Variants in DAAM2 observed in about 807,000 individuals in gnomAD.
The protein encoded by DAAM2 is disheveled-associated activator of morphogenesis 2.
A neutral mutation model predicts 120.7 loss-of-function variants in DAAM2; 39 were observed. The observed-to-expected ratio is 0.32, with a 90% confidence interval of 0.25 to 0.42. The LOEUF (loss-of-function observed/expected upper bound fraction) is 0.42. Ranked by LOEUF, DAAM2 falls within the 10% of genes least tolerant of loss-of-function variation. DAAM2 has a pLI of 1.00. For missense variants in DAAM2, 1,283 were observed against 1,401.7 expected (o/e 0.92, Z 1.35); for synonymous variants, 488 against 524.9 (o/e 0.93, Z 0.96).
At position 39,901,619 on chromosome 6, in the gene DAAM2, A is replaced by G; in HGVS notation, c.2982+147A>G. The G allele has an allele frequency of 9.3e-7, 1 of 1,076,886 alleles. No homozygotes were observed. Among genetic ancestry groups the G allele is most frequent in the Non-Finnish European group, 1.3e-6 (1 of 770,826 alleles). 66.7% of individuals were successfully genotyped at this position (1,076,886 alleles called of 1,614,324 possible). A position where few individuals can be genotyped will look rare whatever the true frequency, so the allele number is the denominator to read the frequency against. On this transcript the variant is annotated intron_variant, in intron 24 of 24. Coordinates refer to ENST00000274867, the MANE Select transcript of DAAM2 (RefSeq NM_001201427.2). This position sits in a 1 kb window ranked among gnomAD's most constrained non-coding sequence, Gnocchi z 4.5. The stretch of plus-strand genomic sequence containing the variant: ...TGGATGTCAGCCCCAGGAGAGAGAA[A>G]CTTCTTCCCAGCCTGAGGGAAGAGA...
intron 9 of DAAM2, among the ~76,000 whole-genome samples, chr6:39,872,429 T>C (rs1488102978): frequency 6.6e-6 from 1 of 152,198 alleles, no homozygotes; most frequent in Non-Finnish European, 1.5e-5. Context: ...TTATTGCATG[T>C]GATTAGTCTC....
At chr6:39,870,487 G>A in intron 8 of DAAM2, 44 bp downstream of exon 8, 1 of 1,282,494 alleles carries the variant, frequency 7.8e-7, no homozygotes, top group Non-Finnish European at 1.1e-6. Flanking sequence ...TGTGGGGACA[G>A]TGCCTCAGAT....
At chr6:39,871,913 A>C (rs1289362498) in intron 9 of DAAM2, among the ~76,000 whole-genome samples, 1 of 152,214 alleles carries the variant, frequency 6.6e-6, no homozygotes, top group Non-Finnish European at 1.5e-5. Flanking sequence ...TGAGAACATA[A>C]GGGGCCACTG....
chr6:39,886,527 G>C, intron 15 of DAAM2: 2 of 399,106 alleles, frequency 5.0e-6, no homozygotes, highest in East Asian at 3.6e-5. Flanking sequence ...GCCTGACAGA[G>C]AGGACTTGTC....
intron 22 of DAAM2, 74 bp from the exon 23 acceptor site, chr6:39,900,003 G>A: frequency 6.7e-7 from 1 of 1,490,162 alleles, no homozygotes; most frequent in Non-Finnish European, 9.1e-7. Flanking sequence ...AGTGACGAGG[G>A]GAGATGTGGT....
chr6:39,895,138 A>C (rs1262965669), intron 19 of DAAM2, among the ~76,000 whole-genome samples: 1 of 152,194 alleles, frequency 6.6e-6, no homozygotes, highest in Non-Finnish European at 1.5e-5. Context: ...CCCACCAAGA[A>C]TAATGTGGCT....
intron 14 of DAAM2, chr6:39,879,991 C>G: frequency 5.2e-6 from 1 of 192,118 alleles, no homozygotes; most frequent in Non-Finnish European, 1.1e-5. Context: ...GTATTATCCA[C>G]TAATAATCAC....
chr6:39,901,392 T>C lies in DAAM2; in HGVS notation c.2902T>C (p.Phe968Leu). 1 of 1,613,760 alleles carries C rather than the reference T, an allele frequency of 6.2e-7. No homozygotes were observed. The change falls in exon 24 of 25, where the codon TTC (phenylalanine) becomes CTC (leucine). Residue 968 changes from phenylalanine (F) to leucine (L), a missense_variant. Transcript: ENST00000274867. The surrounding 1 kb of genome is among the most constrained non-coding windows in gnomAD (Gnocchi z 4.5). ...FGIFDTFLQA[F>L]SEARQDLEAM... ...CATCTTTGATACCTTCTTGCAGGCC[T>C]TCTCAGAGGCCCGGCAGGATCTAGA...
intron 1 of DAAM2, among the ~76,000 whole-genome samples, chr6:39,850,552 G>T (rs1397703355): frequency 6.6e-6 from 1 of 152,118 alleles, no homozygotes; most frequent in Non-Finnish European, 1.5e-5. Context: ...GCTAGAAGCT[G>T]GTCAAAAGCA....
Position 39,841,012 on chromosome 6 carries a change from C to T in DAAM2, c.-56-15235C>T, listed in dbSNP as rs1320058965. Among the ~76,000 whole-genome samples the T allele has an allele frequency of 5.1e-5, 6 of 118,242 alleles. No individual in the cohort carries two copies. The Admixed American group carries it at 5.2e-4, about 10-fold the overall frequency. The allele number at this position is 118,242 out of a possible 152,430, so 77.6% of individuals were successfully genotyped here. ...GAGGGGATCTGGGGGGTAGGGGTCCCACGGGGAGGGTTCCATGGGGGGAAG... is the reference window on the plus strand; with the variant it reads ...GAGGGGATCTGGGGGGTAGGGGTCCTACGGGGAGGGTTCCATGGGGGGAAG... On this transcript the variant is annotated intron_variant, in intron 1 of 24. Transcript: ENST00000274867.
intron 1 of DAAM2, among the ~76,000 whole-genome samples, chr6:39,839,195 AGT>A (rs1490782571): frequency 6.6e-6 from 1 of 152,094 alleles, no homozygotes; most frequent in Non-Finnish European, 1.5e-5. Context: ...TTGGATAGAA[AGT>A]GTGAATTGTT....
At chr6:39,875,554 C>T in intron 11 of DAAM2, 86 bp downstream of exon 11, 1 of 1,473,582 alleles carries the variant, frequency 6.8e-7, no homozygotes, top group Non-Finnish European at 9.2e-7. Flanking sequence ...ACCTCAGCTC[C>T]CTTTCGCAAC....
chr6:39,841,559 TGAG>T (rs534220795), intron 1 of DAAM2, among the ~76,000 whole-genome samples: 437 of 151,970 alleles, frequency 2.9e-3, no homozygotes, highest in African/African-American at 0.01. Context: ...GTTCACAACT[TGAG>T]GAGGGAGAAC....
At chr6:39,877,769 G>A (rs115408277) in intron 11 of DAAM2, among the ~76,000 whole-genome samples, 2,066 of 152,246 alleles carry the variant, frequency 0.014, 45 homozygotes, top group African/African-American at 0.047. Flanking sequence ...TTGCTCTTAC[G>A]CATTGGTCTT....
At chr6:39,823,889 C>G (rs1762575356) in intron 1 of DAAM2, among the ~76,000 whole-genome samples, 1 of 152,158 alleles carries the variant, frequency 6.6e-6, no homozygotes, top group Non-Finnish European at 1.5e-5. Flanking sequence ...CCTCCTTTCC[C>G]TCCTCCCCCT....
rs760271436 is a variant in DAAM2 at position 39,868,890 on chromosome 6, T to A, written c.830T>A (p.Ile277Asn). 1 of 1,587,154 alleles carries A rather than the reference T, an allele frequency of 6.3e-7. No individual in the cohort carries two copies. Among genetic ancestry groups the A allele is most frequent in the South Asian group, 1.2e-5 (1 of 86,340 alleles). Reference protein sequence around the residue: ...YRDEVNLKTAIMSFINAVLNA... With the variant: ...YRDEVNLKTANMSFINAVLNA... ...GATGAAGTGAATCTGAAAACAGCCATCATGTCCTTCATCAATGCTGTCCTC... is the reference window on the plus strand; with the variant it reads ...GATGAAGTGAATCTGAAAACAGCCAACATGTCCTTCATCAATGCTGTCCTC... Residue 277 changes from isoleucine (I) to asparagine (N), a missense_variant, in exon 7 of 25, where the codon ATC (isoleucine) becomes AAC (asparagine). This residue lies in a region of DAAM2 where 338 missense variants were observed against 443.9 expected (regional missense o/e 0.76). Transcript: ENST00000274867.
Position 39,901,922 on chromosome 6 carries a change from G to A in DAAM2, c.3092G>A (p.Arg1031His), listed in dbSNP as rs754072898. Reference sequence around the variant, plus strand: ...TTCGATGACCTGGTGTCGGCCCTGCGCTCTGGGGAGGTCTTCGACAAGGAC... The same window carrying A: ...TTCGATGACCTGGTGTCGGCCCTGCACTCTGGGGAGGTCTTCGACAAGGAC... The part of the protein sequence containing the change: ...GEFDDLVSAL[R>H]SGEVFDKDLC... Residue 1031 changes from arginine (R) to histidine (H), a missense_variant, in exon 25 of 25, where the codon CGC (arginine) becomes CAC (histidine). By Grantham distance (29) the Arg-to-His change is conservative. This residue lies in a region of DAAM2 where 748 missense variants were observed against 768.6 expected (regional missense o/e 0.97). Transcript: ENST00000274867. The surrounding 1 kb of genome is among the most constrained non-coding windows in gnomAD (Gnocchi z 4.5). The A allele has an allele frequency of 1.5e-5, 24 of 1,611,022 alleles. No individual in the cohort carries two copies. Among genetic ancestry groups the A allele is most frequent in the East Asian group, 8.9e-5 (4 of 44,740 alleles).
At chr6:39,827,324 G>A (rs558742011) in intron 1 of DAAM2, among the ~76,000 whole-genome samples, 1 of 152,296 alleles carries the variant, frequency 6.6e-6, no homozygotes, top group African/African-American at 2.4e-5. Flanking sequence ...TCTTGTGCAT[G>A]CCAGCAGCTG....
intron 1 of DAAM2, among the ~76,000 whole-genome samples, chr6:39,794,013 A>G (rs918251460): frequency 1.3e-5 from 2 of 152,216 alleles, no homozygotes; most frequent in Admixed American, 1.3e-4. Context: ...GGAAGTTAAG[A>G]TTCAGGAAGG....
Sources: allele counts gnomAD v4.1 joint callset (sites outside exome capture counted in the v4.1 genomes callset), GRCh38; gene constraint gnomAD v4.1.1; regional missense constraint gnomAD v4.1.1; non-coding constraint Gnocchi (gnomAD v3.1); transcripts MANE v1.5; gene names NCBI Gene and HGNC (gene_info 2026-07-23, HGNC 2026-07-21).